Variants in MSL2 observed in about 807,000 individuals in gnomAD.
MSL2 encodes MSL complex subunit 2.
MSL2 carries 2 observed loss-of-function variants against 35.8 expected under a neutral mutation model. That is an observed-to-expected ratio of 0.06 (90% CI 0.02 to 0.18). The LOEUF is 0.18. MSL2 is among the 10% of genes least tolerant of loss of function. MSL2 has a pLI of 1.00. For synonymous variants in MSL2, 296 were observed against 255.7 expected, an observed-to-expected ratio of 1.16 and a Z score of -1.50; for missense variants, 523 against 706.7, an observed-to-expected ratio of 0.74 and a Z score of 2.95.
intron 1 of MSL2, among the ~76,000 whole-genome samples, chr3:136,177,356 T>C (rs1213109385): frequency 6.6e-6 from 1 of 152,116 alleles, no homozygotes; most frequent in East Asian, 1.9e-4. Flanking sequence ...ATAATTAATA[T>C]GGCAGATGTG....
intron 1 of MSL2, chr3:136,156,122 T>C (rs1939513165): frequency 5.4e-6 from 1 of 186,588 alleles, no homozygotes. Context: ...TATTTCTTGA[T>C]ACATGTAATT....
intron 1 of MSL2, among the ~76,000 whole-genome samples, chr3:136,191,270 C>T (rs1380359789): frequency 6.6e-6 from 1 of 151,896 alleles, no homozygotes; most frequent in Non-Finnish European, 1.5e-5. Flanking sequence ...AGTTCAAGAC[C>T]AGCCTGGCCA....
intron 1 of MSL2, among the ~76,000 whole-genome samples, chr3:136,159,007 T>C (rs1421311351): frequency 6.6e-6 from 1 of 152,200 alleles, no homozygotes; most frequent in Non-Finnish European, 1.5e-5. Flanking sequence ...ATTGTCAAGA[T>C]GGCAGTTTTC....
chr3:136,164,028 A>C (rs1264056981), intron 1 of MSL2, among the ~76,000 whole-genome samples: 1 of 152,230 alleles, frequency 6.6e-6, no homozygotes, highest in African/African-American at 2.4e-5. Flanking sequence ...TACAATGCAT[A>C]AATGCAATGA....
chr3:136,175,938 C>A (rs2108080789), intron 1 of MSL2, among the ~76,000 whole-genome samples: 1 of 152,202 alleles, frequency 6.6e-6, no homozygotes, highest in Admixed American at 6.5e-5. Context: ...CATTCTCAAA[C>A]CTTTTTTAAA....
rs146440173 is a variant in MSL2, at chr3:136,157,965, C to G, written c.143-5227G>C. Among the ~76,000 whole-genome samples the G allele has an allele frequency of 3.1e-3, 466 of 152,074 alleles. 6 individuals are homozygous for G. Among genetic ancestry groups the G allele is most frequent in the African/African-American group, 0.011 (448 of 41,500 alleles). On this transcript the variant is annotated intron_variant, in intron 1 of 1. Coordinates refer to ENST00000309993, the MANE Select transcript of MSL2 (RefSeq NM_018133.4). The stretch of plus-strand genomic sequence containing the variant: ...GAGGAGGAGAAAACACTTCCCAACT[C>G]ATATTTAAAGGCCAGTAACTACTAT...
intron 1 of MSL2, among the ~76,000 whole-genome samples, chr3:136,187,628 C>T (rs1280329584): frequency 2.6e-5 from 4 of 151,928 alleles, no homozygotes; most frequent in African/African-American, 7.3e-5. Flanking sequence ...CGAGATCACA[C>T]CACTGCACTC....
In MSL2 at chr3:136,170,036, G is replaced by C. The variant is rs1471417397; in HGVS notation, c.143-17298C>G. On this transcript the variant is annotated intron_variant, in intron 1 of 1. Coordinates refer to ENST00000309993, the MANE Select transcript of MSL2 (RefSeq NM_018133.4). ...ACTGCACTCCAGCCTGGGCGACAGA[G>C]AGACTCCATTAAAAAAAAAAAAATC... Among the ~76,000 whole-genome samples, 5 of 137,630 alleles carry C rather than the reference G, an allele frequency of 3.6e-5. No individual in the cohort carries two copies. The East Asian group carries it at 1.1e-3, about 31-fold the overall frequency. The allele number at this position is 137,630 out of a possible 152,430, so 90.3% of individuals were successfully genotyped here.
At chr3:136,181,956 A>T (rs1301070766) in intron 1 of MSL2, among the ~76,000 whole-genome samples, 4 of 143,278 alleles carry the variant, frequency 2.8e-5, no homozygotes, top group East Asian at 2.1e-4. Flanking sequence ...AAATAAATAA[A>T]TAATCAAAAC....
chr3:136,187,463 G>A (rs939757229), intron 1 of MSL2, among the ~76,000 whole-genome samples: 1 of 151,948 alleles, frequency 6.6e-6, no homozygotes, highest in Non-Finnish European at 1.5e-5. Flanking sequence ...AGGAGTTCAA[G>A]ACCAGCCTGG....
At chr3:136,191,615 A>G (rs1013601709) in intron 1 of MSL2, among the ~76,000 whole-genome samples, 9 of 152,210 alleles carry the variant, frequency 5.9e-5, no homozygotes, top group Non-Finnish European at 1.2e-4. Context: ...CCCTCTCCCT[A>G]CAAAAACTTT....
rs1940830554 is a variant in MSL2 at position 136,195,893 on chromosome 3, C to T, written c.-780G>A. ...GGAGGGGGCGGGGGGCAAGCCCGGCCGGGCCGCGGCGGCGCCCCTCGCGCC... is the reference window on the plus strand; with the variant it reads ...GGAGGGGGCGGGGGGCAAGCCCGGCTGGGCCGCGGCGGCGCCCCTCGCGCC... On this transcript the variant is annotated 5_prime_UTR_variant, in exon 1 of 2. Transcript: ENST00000309993. The T allele has an allele frequency of 1.2e-6, 1 of 869,084 alleles. No individual in the cohort carries two copies. Among genetic ancestry groups the T allele is most frequent in the Non-Finnish European group, 1.4e-6 (1 of 725,386 alleles). 53.8% of individuals were successfully genotyped at this position (869,084 alleles called of 1,614,324 possible).
rs1220279093 is a variant in MSL2 at position 136,195,945 on chromosome 3, A to C, written c.-832T>G. ...CAGTCGCACACTCCGGGGTCACCAG[A>C]CTCAAGCGCCGCCCCCTCACTGCCC... On this transcript the variant is annotated 5_prime_UTR_variant, in exon 1 of 2. Transcript: ENST00000309993. The C allele has an allele frequency of 4.5e-6, 2 of 443,130 alleles. No individual in the cohort carries two copies. Among genetic ancestry groups the C allele is most frequent in the African/African-American group, 4.4e-5 (2 of 45,478 alleles). 27.4% of individuals were successfully genotyped at this position (443,130 alleles called of 1,614,324 possible). A position where few individuals can be genotyped will look rare whatever the true frequency, so the allele number is the denominator to read the frequency against.
intron 1 of MSL2, among the ~76,000 whole-genome samples, chr3:136,165,369 T>C (rs973074118): frequency 5.3e-5 from 8 of 152,224 alleles, no homozygotes; most frequent in African/African-American, 1.7e-4. Flanking sequence ...TATTCATTTT[T>C]GTGCCTCAAC....
At chr3:136,161,274 G>A (rs1041230389) in intron 1 of MSL2, among the ~76,000 whole-genome samples, 1 of 152,122 alleles carries the variant, frequency 6.6e-6, no homozygotes, top group Non-Finnish European at 1.5e-5. Context: ...TGTAAAACAG[G>A]TACAACAATC....
At chr3:136,181,777 G>C (rs1940371060) in intron 1 of MSL2, among the ~76,000 whole-genome samples, 1 of 151,920 alleles carries the variant, frequency 6.6e-6, no homozygotes, top group South Asian at 2.1e-4. Context: ...AAACTAGCCG[G>C]GCGTGGTGGT....
At chr3:136,170,440 T>C (rs1939992609) in intron 1 of MSL2, among the ~76,000 whole-genome samples, 2 of 151,386 alleles carry the variant, frequency 1.3e-5, no homozygotes, top group Non-Finnish European at 1.5e-5. Context: ...TCCAACCATA[T>C]TTGTTTCAAA....
In MSL2 at chr3:136,195,752, G is replaced by A. The variant is rs1940825704; in HGVS notation, c.-639C>T. The A allele has an allele frequency of 2.6e-5, 26 of 985,170 alleles. No homozygotes were observed. The highest frequency in any genetic ancestry group is 3.1e-5 in the Non-Finnish European group (26 of 829,856). The allele number at this position is 985,170 out of a possible 1,614,324, so 61.0% of individuals were successfully genotyped here. On this transcript the variant is annotated 5_prime_UTR_variant, in exon 1 of 2. Transcript: ENST00000309993. ...GGACGCGGGGCCCAGACTGCGCCCTGGCTCTCCGCCCCGTGGGTTGCAGCC... is the reference window on the plus strand; with the variant it reads ...GGACGCGGGGCCCAGACTGCGCCCTAGCTCTCCGCCCCGTGGGTTGCAGCC...
At position 136,179,591 on chromosome 3, in the gene MSL2, G is replaced by T. The variant is rs893429875; in HGVS notation, c.142+15381C>A. Among the ~76,000 whole-genome samples the T allele has an allele frequency of 2.0e-5, 3 of 152,070 alleles. No homozygotes were observed. In the South Asian group the frequency reaches 6.2e-4, roughly 31 times the overall value. ...TTGAAGTCATCTTCCACAGTAATAA[G>T]AACTCCTGGCGACATTTCATCATTT... On this transcript the variant is annotated intron_variant, in intron 1 of 1. Coordinates refer to ENST00000309993, the MANE Select transcript of MSL2 (RefSeq NM_018133.4).
Sources: gnomAD v4.1 joint callset for allele counts (sites outside exome capture counted in the v4.1 genomes callset) on GRCh38, gnomAD v4.1.1 for gene constraint, MANE v1.5 for transcripts, NCBI Gene and HGNC (gene_info 2026-07-23, HGNC 2026-07-21) for gene names.